Variants in CACNB2 observed in about 807,000 individuals in gnomAD.
CACNB2 encodes calcium voltage-gated channel auxiliary subunit beta 2.
CACNB2 carries 42 observed loss-of-function variants against 73.3 expected under a neutral mutation model. The observed-to-expected ratio is 0.57, with a 90% confidence interval of 0.45 to 0.74. The LOEUF (loss-of-function observed/expected upper bound fraction) is 0.74. Among genes scored for constraint, CACNB2 ranks in the 30% least tolerant of loss-of-function variants. The pLI is 0.00. For missense variants in CACNB2, 940 were observed against 853.0 expected, an observed-to-expected ratio of 1.10 and a Z score of -1.27; for synonymous variants, 348 against 310.3, an observed-to-expected ratio of 1.12 and a Z score of -1.28.
chr10:18,268,688 T>G (rs572059266), intron 2 of CACNB2, among the ~76,000 whole-genome samples: 1 of 152,302 alleles, frequency 6.6e-6, no homozygotes, highest in South Asian at 2.1e-4. Flanking sequence ...ATTAAGTATG[T>G]TGCAATAAGT....
intron 2 of CACNB2, among the ~76,000 whole-genome samples, chr10:18,290,123 T>C (rs1588953482): frequency 2.3e-5 from 3 of 133,146 alleles, no homozygotes; most frequent in Admixed American, 1.5e-4. Flanking sequence ...TTTTTTTTTT[T>C]TTTTTTTTTT....
chr10:18,260,108 G>A (rs545400390), intron 2 of CACNB2, among the ~76,000 whole-genome samples: 111 of 152,244 alleles, frequency 7.3e-4, no homozygotes, highest in African/African-American at 1.8e-3. Flanking sequence ...AAGATATTGC[G>A]TATTAGAATG....
At chr10:18,526,682 G>A (rs983395319) in intron 9 of CACNB2, among the ~76,000 whole-genome samples, 1 of 152,064 alleles carries the variant, frequency 6.6e-6, no homozygotes, top group South Asian at 2.1e-4. Flanking sequence ...TATCTAAAAT[G>A]ATACTCCCAA....
At chr10:18,166,758 C>A (rs71497237) in intron 2 of CACNB2, among the ~76,000 whole-genome samples, 3 of 151,670 alleles carry the variant, frequency 2.0e-5, no homozygotes, top group Admixed American at 6.6e-5. Flanking sequence ...GTAGGGGGAG[C>A]GGGGAGGGAT....
chr10:18,305,324 A>G (rs1466144093), intron 2 of CACNB2, among the ~76,000 whole-genome samples: 1 of 152,216 alleles, frequency 6.6e-6, no homozygotes, highest in African/African-American at 2.4e-5. Flanking sequence ...ATTCAGAGGA[A>G]AAGTAAACTG....
chr10:18,191,709 G>A (rs2034405461), intron 2 of CACNB2, among the ~76,000 whole-genome samples: 1 of 152,150 alleles, frequency 6.6e-6, no homozygotes, highest in South Asian at 2.1e-4. Flanking sequence ...CCATTCCTGA[G>A]TTACTTCGCT....
At chr10:18,272,136 A>G (rs2131646666) in intron 2 of CACNB2, among the ~76,000 whole-genome samples, 1 of 152,034 alleles carries the variant, frequency 6.6e-6, no homozygotes, top group South Asian at 2.1e-4. Context: ...TGGGTGAATC[A>G]GTTTTTTCTT....
At position 18,542,401 on chromosome 10, in the gene CACNB2, T is replaced by G. The variant is rs1041699946; in HGVS notation, c.*2677T>G. The G allele has an allele frequency of 2.6e-5, 4 of 152,190 alleles. No individual in the cohort carries two copies. Among genetic ancestry groups the G allele is most frequent in the African/African-American group, 4.8e-5 (2 of 41,442 alleles). 9.4% of individuals were successfully genotyped at this position (152,190 alleles called of 1,614,324 possible). A position where few individuals can be genotyped will look rare whatever the true frequency, so the allele number is the denominator to read the frequency against. ...TTTATAAAATATTTCTGATAAAACTTTTGTCATGGTAAGAGATTCACAATT... is the reference window on the plus strand; with the variant it reads ...TTTATAAAATATTTCTGATAAAACTGTTGTCATGGTAAGAGATTCACAATT... On this transcript the variant is annotated 3_prime_UTR_variant, in exon 14 of 14. Transcript: ENST00000324631.
chr10:18,402,113 G>A, intron 3 of CACNB2, 70 bp downstream of exon 3: 4 of 1,525,996 alleles, frequency 2.6e-6, no homozygotes, highest in Middle Eastern at 1.7e-4. Context: ...ACCTGTGGGA[G>A]TTTCCCCTAA....
intron 2 of CACNB2, among the ~76,000 whole-genome samples, chr10:18,385,325 A>C (rs2043180003): frequency 6.6e-6 from 1 of 151,026 alleles, no homozygotes; most frequent in African/African-American, 2.4e-5. Context: ...CAGAGGCTCT[A>C]ATTAAATTGC....
chr10:18,310,969 AT>A (rs544882452), intron 2 of CACNB2, among the ~76,000 whole-genome samples: 261 of 152,164 alleles, frequency 1.7e-3, no homozygotes, highest in Middle Eastern at 6.8e-3. Flanking sequence ...TGACCATTGA[AT>A]TTTTTTATGC....
chr10:18,358,264 T>C (rs2042001431), intron 2 of CACNB2, among the ~76,000 whole-genome samples: 1 of 152,134 alleles, frequency 6.6e-6, no homozygotes, highest in African/African-American at 2.4e-5. Flanking sequence ...TTTTTTGTGT[T>C]TTTAGTAGAG....
chr10:18,344,597 C>A lies in CACNB2; in HGVS notation c.214-57327C>A, dbSNP rs182692740. Among the ~76,000 whole-genome samples, 289 of 152,112 alleles carry A rather than the reference C, an allele frequency of 1.9e-3. 1 individual carries two copies. The highest frequency in any genetic ancestry group is 6.8e-3 in the African/African-American group (283 of 41,506). On this transcript the variant is annotated intron_variant, in intron 2 of 13. Transcript: ENST00000324631. ...ATGTTGGTCAGGCTGGTCTCGAACT[C>A]CTGACCTCAGGTGATCCACCCACCT...
intron 2 of CACNB2, among the ~76,000 whole-genome samples, chr10:18,320,747 C>T (rs182668367): frequency 1.1e-4 from 17 of 152,230 alleles, no homozygotes; most frequent in African/African-American, 3.1e-4. Flanking sequence ...GTTAGAACTG[C>T]GTAACTATTG....
chr10:18,438,318 C>A (rs1339631300), intron 3 of CACNB2, among the ~76,000 whole-genome samples: 4 of 151,804 alleles, frequency 2.6e-5, no homozygotes, highest in Non-Finnish European at 4.4e-5. Flanking sequence ...CGTGAGCCAC[C>A]GCGCCCTGCC....
chr10:18,236,413 G>A (rs554871114), intron 2 of CACNB2, among the ~76,000 whole-genome samples: 1 of 152,232 alleles, frequency 6.6e-6, no homozygotes, highest in East Asian at 1.9e-4. Flanking sequence ...AAAAACAGGT[G>A]AGGTAGAGAG....
chr10:18,324,767 A>G (rs890244632), intron 2 of CACNB2, among the ~76,000 whole-genome samples: 2 of 152,174 alleles, frequency 1.3e-5, no homozygotes, highest in African/African-American at 2.4e-5. Context: ...GAGGCAGGAG[A>G]ATTGCTTGAA....
At chr10:18,178,416 T>C (rs2033712097) in intron 2 of CACNB2, among the ~76,000 whole-genome samples, 1 of 152,214 alleles carries the variant, frequency 6.6e-6, no homozygotes. Context: ...GAATTGTGCA[T>C]GTATATCATA....
chr10:18,348,340 T>C (rs2041556341), intron 2 of CACNB2, among the ~76,000 whole-genome samples: 1 of 152,218 alleles, frequency 6.6e-6, no homozygotes, highest in Non-Finnish European at 1.5e-5. Flanking sequence ...AATAATTTTG[T>C]CAAATGTCTC....
Sources: allele counts gnomAD v4.1 joint callset (sites outside exome capture counted in the v4.1 genomes callset), GRCh38; gene constraint gnomAD v4.1.1; transcripts MANE v1.5; gene names NCBI Gene and HGNC (gene_info 2026-07-23, HGNC 2026-07-21).